RNF213: variants seen among roughly 807,000 people sequenced by gnomAD.
RNF213 encodes the protein E3 ubiquitin-protein ligase RNF213.
In RNF213, 341 loss-of-function variants were observed where a neutral mutation model predicts 514.4. The ratio of observed to expected loss-of-function variants is 0.66; its 90% CI spans 0.61 to 0.73. The LOEUF is 0.73. RNF213 is among the 30% of genes least tolerant of loss of function. The pLI, the probability that RNF213 is intolerant of heterozygous loss-of-function variation, is 0.00. For synonymous variants in RNF213, 2,655 were observed against 2,658.2 expected (o/e 1.00, Z 0.04); for missense variants, 5,767 against 6,615.6 (o/e 0.87, Z 4.45).
At chr17:80,266,613 T>C (rs1308573279) in intron 2 of RNF213, among the ~76,000 whole-genome samples, 2 of 152,048 alleles carry the variant, frequency 1.3e-5, no homozygotes, top group East Asian at 3.9e-4. Flanking sequence ...GTGATGTTCC[T>C]GCCTCAGCCT....
At chr17:80,261,021 C>G (rs1310769085) in intron 1 of RNF213, 119 bp downstream of exon 1, 2 of 151,684 alleles carry the variant, frequency 1.3e-5, no homozygotes, top group African/African-American at 4.8e-5. Context: ...CCCTCCCGGC[C>G]GCCTCTTCCT....
In RNF213 at chr17:80,306,389, G is replaced by T; in HGVS notation, c.2348G>T (p.Arg783Leu). 6.2e-7 allele frequency: 1 copy of T among 1,614,112 alleles called. No individual in the cohort carries two copies. Among genetic ancestry groups the T allele is most frequent in the Non-Finnish European group, 8.5e-7 (1 of 1,180,024 alleles). The stretch of plus-strand genomic sequence containing the variant: ...GAAAACTTCATTGAGCACCTGGGTC[G>T]TTTTCCTGCTCATATCCTGGACTGT... ...YMENFIEHLG[R>L]FPAHILDCLS... Residue 783 changes from arginine (R) to leucine (L), a missense_variant, in exon 12 of 68, where the codon CGT (arginine) becomes CTT (leucine). Around this residue, in one of 13 missense-constraint regions of RNF213, gnomAD observed 592 missense variants for 673.9 expected, o/e 0.88. Coordinates refer to ENST00000582970, the MANE Select transcript of RNF213 (RefSeq NM_001256071.3).
At position 80,281,218 on chromosome 17, in the gene RNF213, CCA is replaced by C. The variant is rs143583853; in HGVS notation, c.262-6589_262-6588del. Among the ~76,000 whole-genome samples, 261 of 107,760 alleles carry C rather than the reference CCA, an allele frequency of 2.4e-3. 7 individuals carry two copies. Among genetic ancestry groups the C allele is most frequent in the African/African-American group, 8.3e-3 (240 of 28,918 alleles). The allele number at this position is 107,760 out of a possible 152,430, so 70.7% of individuals were successfully genotyped here. On this transcript the variant is annotated intron_variant, in intron 3 of 67. Coordinates refer to ENST00000582970, the MANE Select transcript of RNF213 (RefSeq NM_001256071.3). Reference sequence around the variant, plus strand: ...CCACTCACACCACTCACACACACCCCCACACACACCCCACTCACACACACCTC... The same window carrying C: ...CCACTCACACCACTCACACACACCCCCACACACCCCACTCACACACACCTC...
In RNF213 at chr17:80,389,277, G is replaced by C; in HGVS notation, c.15105G>C (p.Leu5035=). The C allele has an allele frequency of 6.2e-7, 1 of 1,614,226 alleles. No homozygotes were observed. Among genetic ancestry groups the C allele is most frequent in the Non-Finnish European group, 8.5e-7 (1 of 1,180,022 alleles). Residue 5035 remains leucine (L), a synonymous_variant, in exon 65 of 68, where the codon CTG becomes CTC. Coordinates refer to ENST00000582970, the MANE Select transcript of RNF213 (RefSeq NM_001256071.3). ...LSVVEVTLGF[L]STAGGDPNMQ... ...TCGTAGAAGTCACTCTGGGGTTTCTGAGCACAGCTGGTGGGGATCCAAACA... is the reference window on the plus strand; with the variant it reads ...TCGTAGAAGTCACTCTGGGGTTTCTCAGCACAGCTGGTGGGGATCCAAACA...
intron 3 of RNF213, among the ~76,000 whole-genome samples, chr17:80,286,284 C>T (rs1428570712): frequency 4.2e-5 from 4 of 96,010 alleles, no homozygotes; most frequent in South Asian, 7.5e-4. Context: ...GTCGGAGGGT[C>T]GGGGGGTGGG....
intron 15 of RNF213, chr17:80,315,773 TGGTGG>T (rs2045909496): frequency 2.9e-5 from 1 of 34,018 alleles, no homozygotes; most frequent in Non-Finnish European, 6.5e-5. Context: ...GTGATGCTGG[TGGTGG>T]TGGTGGTGGT....
intron 57 of RNF213, chr17:80,382,233 C>A (rs535422842): frequency 1.3e-5 from 2 of 157,214 alleles, no homozygotes; most frequent in South Asian, 1.8e-4. Flanking sequence ...AGCTAACTTT[C>A]TATTTTAAAA....
chr17:80,281,419 C>T (rs1222935994), intron 3 of RNF213, among the ~76,000 whole-genome samples: 1 of 128,804 alleles, frequency 7.8e-6, no homozygotes, highest in Non-Finnish European at 1.7e-5. Context: ...AAGACAAACA[C>T]CCCATTCACA....
chr17:80,347,282 G>A lies in RNF213; in HGVS notation c.8947G>A (p.Val2983Ile), dbSNP rs777497839. Residue 2983 changes from valine (V) to isoleucine (I), a missense_variant, in exon 29 of 68, where the codon GTC (valine) becomes ATC (isoleucine). Transcript: ENST00000582970. The surrounding 1 kb of genome is among the most constrained non-coding windows in gnomAD (Gnocchi z 7.2). ...KPSPQDIAQA[V>I]LRNFSGKDDI... is the part of the protein sequence containing the mutation. ...TTCCCCGCAAGACATTGCACAGGCT[G>A]TCCTTAGGAACTTCAGTGGCAAGGA... The A allele has an allele frequency of 6.2e-7, 1 of 1,613,768 alleles. No homozygotes were observed. The highest frequency in any genetic ancestry group is 1.7e-5 in the Admixed American group (1 of 59,952).
Position 80,353,177 on chromosome 17 carries a change from G to A in RNF213, c.10423+118G>A. 2 of 1,386,080 alleles carry A rather than the reference G, an allele frequency of 1.4e-6. No homozygotes were observed. Among genetic ancestry groups the A allele is most frequent in the South Asian group, 1.2e-5 (1 of 84,112 alleles). 85.9% of individuals were successfully genotyped at this position (1,386,080 alleles called of 1,614,324 possible). A position where few individuals can be genotyped will look rare whatever the true frequency, so the allele number is the denominator to read the frequency against. On this transcript the variant is annotated intron_variant, in intron 33 of 67. Transcript: ENST00000582970. The surrounding 1 kb of genome is among the most constrained non-coding windows in gnomAD (Gnocchi z 5.0). ...GCCACCGTGTTTCGTCCCTCGGCAG[G>A]AGCTCGGGGACACATCTGCAGAACT...
rs1033744137 is a variant in RNF213, at chr17:80,337,922, G to C, written c.4758G>C (p.Lys1586Asn). The change falls in exon 25 of 68, where the codon AAG becomes AAC. Residue 1586 changes from lysine (K) to asparagine (N), a missense_variant. Lys to Asn is a moderately conservative substitution (Grantham distance 94, BLOSUM62 0). Around this residue, in one of 13 missense-constraint regions of RNF213, gnomAD observed 1,377 missense variants for 1,635.2 expected, o/e 0.84. Transcript: ENST00000582970. ...ESREYSLEEV[K>N]ELLNKLMLMS... ...GAGAGTACTCTTTAGAGGAGGTGAAGGAGCTTTTGAACAAGTTGATGCTGA... is the reference window on the plus strand; with the variant it reads ...GAGAGTACTCTTTAGAGGAGGTGAACGAGCTTTTGAACAAGTTGATGCTGA... 6.5e-7 allele frequency: 1 copy of C among 1,537,294 alleles called. No individual in the cohort carries two copies. Among genetic ancestry groups the C allele is most frequent in the African/African-American group, 1.4e-5 (1 of 73,170 alleles).
chr17:80,261,280 C>G (rs2043408440), intron 1 of RNF213, among the ~76,000 whole-genome samples: 1 of 152,206 alleles, frequency 6.6e-6, no homozygotes, highest in South Asian at 2.1e-4. Context: ...CCTGCAGGTC[C>G]GCCCGGGAAT....
chr17:80,285,139 G>C (rs2143160181), intron 3 of RNF213, among the ~76,000 whole-genome samples: 1 of 152,368 alleles, frequency 6.6e-6, no homozygotes, highest in East Asian at 1.9e-4. Flanking sequence ...TGGGGGCCTT[G>C]CGTGTACCAG....
chr17:80,385,292 A>G (rs903946156), intron 60 of RNF213, 121 bp downstream of exon 60: 2 of 1,259,694 alleles, frequency 1.6e-6, no homozygotes, highest in African/African-American at 3.0e-5. Context: ...CTATAGCCTA[A>G]GCCCTTACCA....
At position 80,389,889 on chromosome 17, in the gene RNF213, A is replaced by C. The variant is rs766058007; in HGVS notation, c.15257A>C (p.Lys5086Thr). 6.2e-7 allele frequency: 1 copy of C among 1,614,204 alleles called. No homozygotes were observed. Among genetic ancestry groups the C allele is most frequent in the South Asian group, 1.1e-5 (1 of 91,082 alleles). The change falls in exon 66 of 68, where the codon AAG (lysine) becomes ACG (threonine). Residue 5086 changes from lysine (K) to threonine (T), a missense_variant. Physicochemically the swap from Lys to Thr is moderately conservative, Grantham distance 78. Transcript: ENST00000582970. ...IALWQFLSAH[K>T]SEQLLRLHKE... is the part of the protein sequence containing the mutation. ...CTCTGGCAGTTCCTGTCTGCTCATA[A>C]GTCTGAACAGCTGCTGCGGCTGCAC...
intron 22 of RNF213, among the ~76,000 whole-genome samples, chr17:80,335,843 G>T (rs1202713647): frequency 6.6e-6 from 1 of 152,032 alleles, no homozygotes; most frequent in East Asian, 1.9e-4. Flanking sequence ...CAGGCGTGGT[G>T]GTGGGCGCCA....
intron 56 of RNF213, chr17:80,381,323 C>A: frequency 1.6e-6 from 1 of 621,780 alleles, no homozygotes; most frequent in Non-Finnish European, 2.9e-6. Context: ...CCAAGATGGC[C>A]AACAGTACAA....
chr17:80,351,251 G>C (rs544907508), intron 31 of RNF213, among the ~76,000 whole-genome samples: 4 of 152,324 alleles, frequency 2.6e-5, no homozygotes, highest in South Asian at 2.1e-4. Flanking sequence ...GGGAAGCAGA[G>C]GCAGGAGGAT....
intron 3 of RNF213, among the ~76,000 whole-genome samples, chr17:80,286,428 G>A (rs1276991387): frequency 1.3e-5 from 2 of 152,122 alleles, no homozygotes; most frequent in East Asian, 1.9e-4. Flanking sequence ...TTGCAGTGTC[G>A]GCCTGGCCTC....
Sources: gnomAD v4.1 joint callset for allele counts (sites outside exome capture counted in the v4.1 genomes callset) on GRCh38, gnomAD v4.1.1 for gene constraint, gnomAD v4.1.1 regional missense constraint, Gnocchi (gnomAD v3.1) non-coding constraint, MANE v1.5 for transcripts, NCBI Gene and HGNC (gene_info 2026-07-23, HGNC 2026-07-21) for gene names.